The following TCERG1L variants were observed in gnomAD, a reference collection of about 807,000 sequenced individuals.
TCERG1L encodes transcription elongation regulator 1 like.
A neutral mutation model predicts 56.3 loss-of-function variants in TCERG1L; 37 were observed. The ratio of observed to expected loss-of-function variants is 0.66; its 90% CI spans 0.51 to 0.87. The LOEUF is 0.87. TCERG1L is among the 40% of genes least tolerant of loss of function. TCERG1L has a pLI of 0.00. For synonymous variants in TCERG1L, 324 were observed against 326.3 expected (o/e 0.99, Z 0.08); for missense variants, 799 against 774.2 (o/e 1.03, Z -0.38).
chr10:131,196,745 C>G (rs1310881846), intron 4 of TCERG1L, among the ~76,000 whole-genome samples: 1 of 152,174 alleles, frequency 6.6e-6, no homozygotes, highest in Non-Finnish European at 1.5e-5. Context: ...ACACCACCAC[C>G]AAGCAATTCC....
rs893229722 is a variant in TCERG1L at position 131,311,162 on chromosome 10, T to A, written c.342+132A>T. 5 of 683,162 alleles carry A rather than the reference T, an allele frequency of 7.3e-6. No homozygotes were observed. The highest frequency in any genetic ancestry group is 5.3e-4 in the Middle Eastern group (1 of 1,886). The allele number at this position is 683,162 out of a possible 1,614,324, so 42.3% of individuals were successfully genotyped here. On this transcript the variant is annotated intron_variant, in intron 1 of 11. Coordinates refer to ENST00000368642, the MANE Select transcript of TCERG1L (RefSeq NM_174937.4). The surrounding 1 kb of genome is among the most constrained non-coding windows in gnomAD (Gnocchi z 4.0). Reference sequence around the variant, plus strand: ...GAGGCACGGCTGCCGGGCTCCGTCCTGAGGGTTTGGGGCGGCGAGGACCGC... The same window carrying A: ...GAGGCACGGCTGCCGGGCTCCGTCCAGAGGGTTTGGGGCGGCGAGGACCGC...
chr10:131,182,344 G>A (rs370600232), intron 4 of TCERG1L, among the ~76,000 whole-genome samples: 4 of 152,224 alleles, frequency 2.6e-5, no homozygotes, highest in South Asian at 2.1e-4. Context: ...GGGCAGGGCC[G>A]GGGTCTTTGT....
chr10:131,276,043 T>G (rs1159546704), intron 3 of TCERG1L, among the ~76,000 whole-genome samples: 1 of 152,226 alleles, frequency 6.6e-6, no homozygotes, highest in East Asian at 1.9e-4. Context: ...GCCCATACTG[T>G]GTATGCAGCA....
At chr10:131,197,700 G>T (rs529564010) in intron 4 of TCERG1L, among the ~76,000 whole-genome samples, 1 of 152,312 alleles carries the variant, frequency 6.6e-6, no homozygotes, top group South Asian at 2.1e-4. Flanking sequence ...GGACACACCA[G>T]CCAGAGCCGA....
At chr10:131,262,773 T>C (rs1208348236) in intron 3 of TCERG1L, among the ~76,000 whole-genome samples, 1 of 152,142 alleles carries the variant, frequency 6.6e-6, no homozygotes, top group Admixed American at 6.5e-5. Context: ...ACCACTGTGG[T>C]ATCATACAAT....
rs543359539 is a variant in TCERG1L, at chr10:131,198,112, G to C, written c.857-31227C>G. Among the ~76,000 whole-genome samples, 5 of 152,354 alleles carry C rather than the reference G, an allele frequency of 3.3e-5. No individual in the cohort carries two copies. The South Asian group carries it at 1.0e-3, about 32-fold the overall frequency. ...TCTCACCTGTGGCGACATGCCCATG[G>C]GTGCAGCGCTGCTGTGTCTCTGCCC... On this transcript the variant is annotated intron_variant, in intron 4 of 11. Transcript: ENST00000368642.
rs1330526123 is a variant in TCERG1L, at chr10:131,265,089, A to G, written c.671-4645T>C. 7.2e-5 allele frequency among the ~76,000 whole-genome samples: 11 copies of G among 152,150 alleles called. No homozygotes were observed. In the East Asian group the frequency reaches 2.1e-3, roughly 29 times the overall value. ...GAGTCCATTTTTTTTAACGAACTCA[A>G]TCTGTTGTTTGAAATGAAGATGGCC... On this transcript the variant is annotated intron_variant, in intron 3 of 11. Coordinates refer to ENST00000368642, the MANE Select transcript of TCERG1L (RefSeq NM_174937.4).
chr10:131,162,944 T>C, intron 6 of TCERG1L, 178 bp downstream of exon 6: 1 of 524,494 alleles, frequency 1.9e-6, no homozygotes, highest in Non-Finnish European at 3.3e-6. Flanking sequence ...AATGCTGTTT[T>C]TTTCTTTCTG....
chr10:131,217,671 G>A (rs1288246176), intron 4 of TCERG1L, among the ~76,000 whole-genome samples: 1 of 146,808 alleles, frequency 6.8e-6, no homozygotes, highest in Non-Finnish European at 1.5e-5. Flanking sequence ...CTTCCAGGCT[G>A]AGTCTTGCTT....
At chr10:131,156,500 G>C (rs768197394) in intron 6 of TCERG1L, among the ~76,000 whole-genome samples, 9 of 152,020 alleles carry the variant, frequency 5.9e-5, no homozygotes, top group Non-Finnish European at 1.2e-4. Flanking sequence ...CTTACACTAA[G>C]GGAGGAGACC....
intron 8 of TCERG1L, among the ~76,000 whole-genome samples, chr10:131,124,962 C>A (rs1487369540): frequency 2.0e-5 from 3 of 152,194 alleles, no homozygotes; most frequent in South Asian, 2.1e-4. Flanking sequence ...TAAGAAGAAT[C>A]CCTTATAGCC....
chr10:131,123,712 G>A (rs1172310804), intron 8 of TCERG1L, among the ~76,000 whole-genome samples: 3 of 152,028 alleles, frequency 2.0e-5, no homozygotes, highest in East Asian at 2.0e-4. Flanking sequence ...GCCAGGGGCC[G>A]CTCTGAGCCT....
At chr10:131,168,607 CT>C (rs947681147) in intron 4 of TCERG1L, among the ~76,000 whole-genome samples, 33 of 152,320 alleles carry the variant, frequency 2.2e-4, no homozygotes, top group African/African-American at 7.9e-4. Context: ...CATTCCACCC[CT>C]GACTCCCCTC....
At chr10:131,214,063 CACA>C (rs1564817443) in intron 4 of TCERG1L, among the ~76,000 whole-genome samples, 1 of 152,080 alleles carries the variant, frequency 6.6e-6, no homozygotes. Flanking sequence ...CACACACACG[CACA>C]ACAGTTACAA....
At chr10:131,237,723 C>T (rs1018914484) in intron 4 of TCERG1L, among the ~76,000 whole-genome samples, 1 of 152,206 alleles carries the variant, frequency 6.6e-6, no homozygotes, top group East Asian at 1.9e-4. Context: ...CTAGTCCAGG[C>T]ATCGGCGGGG....
At chr10:131,100,145 G>A (rs1845291575) in intron 10 of TCERG1L, among the ~76,000 whole-genome samples, 1 of 152,214 alleles carries the variant, frequency 6.6e-6, no homozygotes, top group Non-Finnish European at 1.5e-5. Context: ...GGGATTACAG[G>A]TGTGAGCCAC....
At chr10:131,309,518 T>C (rs1846856042) in intron 1 of TCERG1L, among the ~76,000 whole-genome samples, 2 of 152,124 alleles carry the variant, frequency 1.3e-5, no homozygotes, top group African/African-American at 2.4e-5. Flanking sequence ...ATTACCAACA[T>C]TGCATTCTTC....
intron 8 of TCERG1L, among the ~76,000 whole-genome samples, chr10:131,131,889 G>A (rs1845622546): frequency 1.3e-5 from 2 of 152,198 alleles, no homozygotes; most frequent in Admixed American, 1.3e-4. Flanking sequence ...ATTTCAGCAG[G>A]CCCCCTGGAG....
chr10:131,107,056 C>T (rs1166626610), intron 9 of TCERG1L, among the ~76,000 whole-genome samples: 1 of 140,176 alleles, frequency 7.1e-6, no homozygotes, highest in Non-Finnish European at 1.5e-5. Context: ...CGACTGAGTG[C>T]CATTGCTGGG....
Sources: gnomAD v4.1 joint callset for allele counts (sites outside exome capture counted in the v4.1 genomes callset) on GRCh38, gnomAD v4.1.1 for gene constraint, Gnocchi (gnomAD v3.1) non-coding constraint, MANE v1.5 for transcripts, NCBI Gene and HGNC (gene_info 2026-07-23, HGNC 2026-07-21) for gene names.